The following STRN variants were observed in gnomAD, a reference collection of about 807,000 sequenced individuals.
The protein encoded by STRN is striatin, also known as protein phosphatase 2 regulatory subunit B'''alpha.
In STRN, 53 loss-of-function variants were observed where a neutral mutation model predicts 96.3. The observed-to-expected ratio is 0.55, with a 90% CI of 0.44 to 0.69. STRN has a LOEUF of 0.69. Among genes scored for constraint, STRN ranks in the 30% least tolerant of loss-of-function variants. The pLI is 0.00. For synonymous variants in STRN, 428 were observed against 355.9 expected (o/e 1.20, Z -2.28); for missense variants, 987 against 963.9 (o/e 1.02, Z -0.32).
intron 2 of STRN, among the ~76,000 whole-genome samples, chr2:36,917,830 G>GA (rs146476549): frequency 2.0e-4 from 31 of 151,932 alleles, no homozygotes; most frequent in Non-Finnish European, 2.5e-4. Flanking sequence ...CATTAAGAAG[G>GA]AAAAAAATAT....
At position 36,952,955 on chromosome 2, in the gene STRN, G is replaced by T. The variant is rs560416516; in HGVS notation, c.234+13275C>A. ...CATTTAGGAAGTATAAACAAAAAAG[G>T]AACAAATCCCAGAATGGGCTGTAAT... is the stretch of plus-strand genomic sequence containing the variant. On this transcript the variant is annotated intron_variant, in intron 1 of 17. Transcript: ENST00000263918. Among the ~76,000 whole-genome samples the T allele has an allele frequency of 1.1e-4, 17 of 152,288 alleles. No individual in the cohort carries two copies. In the South Asian group the frequency reaches 3.5e-3, roughly 32 times the overall value.
At position 36,940,554 on chromosome 2, in the gene STRN, G is replaced by A. The variant is rs1670818913; in HGVS notation, c.235-15346C>T. Among the ~76,000 whole-genome samples the A allele has an allele frequency of 3.9e-5, 6 of 152,080 alleles. No individual in the cohort carries two copies. In the South Asian group the frequency reaches 1.2e-3, roughly 32 times the overall value. On this transcript the variant is annotated intron_variant, in intron 1 of 17. Coordinates refer to ENST00000263918, the MANE Select transcript of STRN (RefSeq NM_003162.4). ...AAAAAAAGTAAATTAGGGGCTGGGTGCAGTGGCTCACACCTGTAATCCCAG... is the reference window on the plus strand; with the variant it reads ...AAAAAAAGTAAATTAGGGGCTGGGTACAGTGGCTCACACCTGTAATCCCAG...
intron 1 of STRN, among the ~76,000 whole-genome samples, chr2:36,942,631 C>A (rs1350277948): frequency 6.6e-6 from 1 of 152,128 alleles, no homozygotes; most frequent in East Asian, 1.9e-4. Flanking sequence ...ATTGACAATA[C>A]CACGAACAAG....
intron 5 of STRN, among the ~76,000 whole-genome samples, chr2:36,901,388 T>C (rs761339053): frequency 6.6e-5 from 10 of 151,898 alleles, no homozygotes; most frequent in Non-Finnish European, 1.0e-4. Flanking sequence ...GCATCTCTAC[T>C]AAAAATACAA....
rs757540697 is a variant in STRN, at chr2:36,966,512, C to T, written c.-49G>A. The T allele has an allele frequency of 2.5e-5, 33 of 1,316,048 alleles. No individual in the cohort carries two copies. Among genetic ancestry groups the T allele is most frequent in the Admixed American group, 3.7e-5 (1 of 27,180 alleles). The allele number at this position is 1,316,048 out of a possible 1,614,324, so 81.5% of individuals were successfully genotyped here. Reference sequence around the variant, plus strand: ...CTGCCCCGGCGCCCAGCAGCGGAGGCAACAGCGGCGGCAAGCAGCGCCTCC... The same window carrying T: ...CTGCCCCGGCGCCCAGCAGCGGAGGTAACAGCGGCGGCAAGCAGCGCCTCC... On this transcript the variant is annotated 5_prime_UTR_variant, in exon 1 of 18. Coordinates refer to ENST00000263918, the MANE Select transcript of STRN (RefSeq NM_003162.4).
chr2:36,942,015 C>T (rs1189575440), intron 1 of STRN, among the ~76,000 whole-genome samples: 2 of 152,088 alleles, frequency 1.3e-5, no homozygotes, highest in African/African-American at 2.4e-5. Flanking sequence ...GAATCTGGAA[C>T]GCCAAGGGCC....
intron 12 of STRN, 29 bp from the exon 13 acceptor site, chr2:36,861,282 G>A (rs747712750): frequency 1.1e-5 from 17 of 1,603,260 alleles, no homozygotes; most frequent in East Asian, 2.2e-5. Context: ...TAAATCAACT[G>A]CTATTCTCAA....
At chr2:36,868,003 T>G in intron 11 of STRN, 142 bp from the exon 12 acceptor site, 2 of 473,246 alleles carry the variant, frequency 4.2e-6, no homozygotes, top group Non-Finnish European at 7.3e-6. Flanking sequence ...AAAGCTTACT[T>G]AACACCAATT....
chr2:36,865,919 T>G (rs1401177502), intron 12 of STRN, among the ~76,000 whole-genome samples: 1 of 152,178 alleles, frequency 6.6e-6, no homozygotes, highest in Non-Finnish European at 1.5e-5. Flanking sequence ...ACACAGAATT[T>G]CCCAGAGATT....
At chr2:36,867,651 T>C (rs553163919) in intron 12 of STRN, among the ~76,000 whole-genome samples, 163 bp downstream of exon 12, 1 of 152,304 alleles carries the variant, frequency 6.6e-6, no homozygotes, top group Non-Finnish European at 1.5e-5. Context: ...TACTTGGCAA[T>C]GATGAACTTC....
intron 12 of STRN, among the ~76,000 whole-genome samples, chr2:36,867,234 G>A (rs1234600985): frequency 6.6e-6 from 1 of 152,016 alleles, no homozygotes; most frequent in Non-Finnish European, 1.5e-5. Flanking sequence ...ACCACTTTGG[G>A]AGGCTGAGGT....
At chr2:36,951,680 G>A (rs985859037) in intron 1 of STRN, among the ~76,000 whole-genome samples, 1 of 152,174 alleles carries the variant, frequency 6.6e-6, no homozygotes, top group South Asian at 2.1e-4. Flanking sequence ...CCACTTGTTA[G>A]GCAGCTACTA....
intron 3 of STRN, among the ~76,000 whole-genome samples, chr2:36,910,360 C>T (rs936722949): frequency 1.3e-5 from 2 of 151,722 alleles, no homozygotes; most frequent in Non-Finnish European, 2.9e-5. Flanking sequence ...ATTTAAATAT[C>T]TTTAAAAGAC....
At chr2:36,897,046 A>C (rs1194880656) in intron 6 of STRN, among the ~76,000 whole-genome samples, 1 of 152,058 alleles carries the variant, frequency 6.6e-6, no homozygotes, top group Admixed American at 6.6e-5. Context: ...GCATGCTTGT[A>C]ATCCCAGCTA....
At chr2:36,860,814 C>G (rs1481865870) in intron 13 of STRN, among the ~76,000 whole-genome samples, 2 of 152,110 alleles carry the variant, frequency 1.3e-5, no homozygotes, top group Admixed American at 6.6e-5. Flanking sequence ...AATATTATTA[C>G]AGATTAGTAA....
chr2:36,855,312 G>A lies in STRN; in HGVS notation c.1878C>T (p.Asp626=). Residue 626 remains aspartate (D), a synonymous_variant, in exon 15 of 18, where the codon GAC becomes GAT. Transcript: ENST00000263918. ...IPASVDLVSS[D]PSHMVASFSK... ...TGAATGATGCTACCATATGGCTCGG[G>A]TCACTGCTCACTAGATCCACAGAGG... The A allele has an allele frequency of 1.2e-6, 2 of 1,613,714 alleles. No homozygotes were observed. The highest frequency in any genetic ancestry group is 1.7e-6 in the Non-Finnish European group (2 of 1,179,782).
intron 9 of STRN, among the ~76,000 whole-genome samples, chr2:36,881,570 A>T (rs1669071487): frequency 6.6e-6 from 1 of 152,220 alleles, no homozygotes; most frequent in African/African-American, 2.4e-5. Context: ...TCTATCTCTT[A>T]AATGTTTTTT....
At position 36,906,814 on chromosome 2, in the gene STRN, G is replaced by C. The variant is rs576405704; in HGVS notation, c.413-1196C>G. On this transcript the variant is annotated intron_variant, in intron 3 of 17. Transcript: ENST00000263918. Reference sequence around the variant, plus strand: ...TGGGTGCCTATAATCCCAACTACTCGGGAGGCTGAGGCAGGACAACCCCTT... The same window carrying C: ...TGGGTGCCTATAATCCCAACTACTCCGGAGGCTGAGGCAGGACAACCCCTT... 2.6e-5 allele frequency among the ~76,000 whole-genome samples: 4 copies of C among 151,978 alleles called. No individual in the cohort carries two copies. The South Asian group carries it at 6.2e-4, about 24-fold the overall frequency.
intron 2 of STRN, among the ~76,000 whole-genome samples, chr2:36,918,064 GATTA>G (rs1226109795): frequency 3.3e-5 from 5 of 152,188 alleles, no homozygotes; most frequent in Non-Finnish European, 7.4e-5. Flanking sequence ...GCTGTTATTT[GATTA>G]ATTAACTATA....
Sources: allele counts gnomAD v4.1 joint callset (sites outside exome capture counted in the v4.1 genomes callset), GRCh38; gene constraint gnomAD v4.1.1; transcripts MANE v1.5; gene names NCBI Gene and HGNC (gene_info 2026-07-23, HGNC 2026-07-21).